Variants in GPT2 observed in about 807,000 individuals in gnomAD.
The protein encoded by GPT2 is alanine aminotransferase 2.
Under a neutral mutation model 56.9 loss-of-function variants are expected in GPT2, and 30 were observed. The observed-to-expected ratio is 0.53, with a 90% CI of 0.39 to 0.72. The LOEUF is 0.72. Among genes scored for constraint, GPT2 ranks in the 30% least tolerant of loss-of-function variants. The pLI is 0.00. For synonymous variants in GPT2, 271 were observed against 283.1 expected, an observed-to-expected ratio of 0.96 and a Z score of 0.43; for missense variants, 542 against 703.4, an observed-to-expected ratio of 0.77 and a Z score of 2.60.
intron 10 of GPT2, 56 bp from the exon 11 acceptor site, chr16:46,926,869 T>G: frequency 1.7e-6 from 2 of 1,190,126 alleles, no homozygotes; most frequent in Non-Finnish European, 2.3e-6. Flanking sequence ...GCTTTGAGGG[T>G]TGAATGGTGT....
intron 6 of GPT2, among the ~76,000 whole-genome samples, chr16:46,914,865 A>AT (rs1961111395): frequency 6.6e-6 from 1 of 152,094 alleles, no homozygotes; most frequent in African/African-American, 2.4e-5. Flanking sequence ...GTGTGCAGTA[A>AT]TGGGGGGGAG....
chr16:46,906,165 C>G (rs929646496), intron 4 of GPT2, among the ~76,000 whole-genome samples: 1 of 152,074 alleles, frequency 6.6e-6, no homozygotes, highest in African/African-American at 2.4e-5. Context: ...CCTCTACCTC[C>G]TGAGCTCAAG....
intron 2 of GPT2, among the ~76,000 whole-genome samples, chr16:46,889,859 T>A (rs1484632358): frequency 6.6e-6 from 1 of 152,242 alleles, no homozygotes; most frequent in Non-Finnish European, 1.5e-5. Context: ...AGGTCGCTTG[T>A]CTTTCCCACT....
chr16:46,909,322 T>C (rs1427922510), intron 5 of GPT2, among the ~76,000 whole-genome samples: 1 of 152,112 alleles, frequency 6.6e-6, no homozygotes, highest in Non-Finnish European at 1.5e-5. Context: ...TATTTTTAAA[T>C]TTTTAAGTAG....
intron 2 of GPT2, among the ~76,000 whole-genome samples, chr16:46,886,855 C>T (rs1960493446): frequency 6.6e-6 from 1 of 152,126 alleles, no homozygotes; most frequent in African/African-American, 2.4e-5. Context: ...AGCTCCACAC[C>T]CCCATATCCT....
At chr16:46,904,200 A>C (rs1164506040) in intron 4 of GPT2, among the ~76,000 whole-genome samples, 11 of 152,196 alleles carry the variant, frequency 7.2e-5, no homozygotes, top group Admixed American at 6.5e-4. Flanking sequence ...CCTGCCCTGG[A>C]GGAACCAAGA....
rs1960436055 is a variant in GPT2, at chr16:46,884,364, C to A, written c.-126C>A. 5.6e-6 allele frequency: 1 copy of A among 179,150 alleles called. No individual in the cohort carries two copies. Among genetic ancestry groups the A allele is most frequent in the African/African-American group, 2.4e-5 (1 of 42,358 alleles). The allele number at this position is 179,150 out of a possible 1,614,324, so 11.1% of individuals were successfully genotyped here. A position where few individuals can be genotyped will look rare whatever the true frequency, so the allele number is the denominator to read the frequency against. ...GTGTGCGAGCGCAGGGGCCGGGCGGCGCGGGCGCCGGGCGCGGGGATGCGG... is the reference window on the plus strand; with the variant it reads ...GTGTGCGAGCGCAGGGGCCGGGCGGAGCGGGCGCCGGGCGCGGGGATGCGG... On this transcript the variant is annotated 5_prime_UTR_variant, in exon 1 of 12. Coordinates refer to ENST00000340124, the MANE Select transcript of GPT2 (RefSeq NM_133443.4).
At chr16:46,903,776 T>C (rs1457230563) in intron 4 of GPT2, among the ~76,000 whole-genome samples, 1 of 152,168 alleles carries the variant, frequency 6.6e-6, no homozygotes, top group Non-Finnish European at 1.5e-5. Flanking sequence ...CCAAAGACAC[T>C]GGTGAGCAAG....
At chr16:46,918,857 A>G in intron 8 of GPT2, 100 bp downstream of exon 8, 3 of 1,416,728 alleles carry the variant, frequency 2.1e-6, no homozygotes, top group South Asian at 1.2e-5. Context: ...TTGGATGGAG[A>G]GAAGGCTGCC....
At chr16:46,901,924 C>G (rs1960826936) in intron 4 of GPT2, among the ~76,000 whole-genome samples, 1 of 152,238 alleles carries the variant, frequency 6.6e-6, no homozygotes, top group Admixed American at 6.5e-5. Context: ...AGCCCTGCAG[C>G]CCAGAGGCCC....
Position 46,910,032 on chromosome 16 carries a change from G to A in GPT2, c.820+105G>A, listed in dbSNP as rs373695741. On this transcript the variant is annotated intron_variant, in intron 6 of 11. Coordinates refer to ENST00000340124, the MANE Select transcript of GPT2 (RefSeq NM_133443.4). The stretch of plus-strand genomic sequence containing the variant: ...TAATTGGAGGGTCTCTCTGCCCCTA[G>A]TTTCCCTTCCAGATTTGCTAACCTA... 118 of 1,403,764 alleles carry A rather than the reference G, an allele frequency of 8.4e-5. 2 individuals are homozygous for A. The African/African-American group carries it at 1.6e-3, about 19-fold the overall frequency. 87.0% of individuals were successfully genotyped at this position (1,403,764 alleles called of 1,614,324 possible). A position where few individuals can be genotyped will look rare whatever the true frequency, so the allele number is the denominator to read the frequency against.
At chr16:46,890,518 G>A (rs1960566396) in intron 2 of GPT2, among the ~76,000 whole-genome samples, 1 of 152,174 alleles carries the variant, frequency 6.6e-6, no homozygotes, top group Non-Finnish European at 1.5e-5. Context: ...TGAATTGGAG[G>A]AAAGTTCTCT....
rs117912347 is a variant in GPT2, at chr16:46,904,555, G to A, written c.443-2287G>A. ...GGATCAGTGTGGTTTGGAGCATAAC[G>A]TGAGATCTGAAGAAAAAGAAACCCA... On this transcript the variant is annotated intron_variant, in intron 4 of 11. Coordinates refer to ENST00000340124, the MANE Select transcript of GPT2 (RefSeq NM_133443.4). 2.5e-3 allele frequency among the ~76,000 whole-genome samples: 383 copies of A among 152,296 alleles called. 2 individuals are homozygous for A. The highest frequency in any genetic ancestry group is 3.0e-3 in the Non-Finnish European group (207 of 68,020).
intron 7 of GPT2, among the ~76,000 whole-genome samples, chr16:46,918,097 G>T (rs974307484): frequency 2.6e-5 from 4 of 152,210 alleles, no homozygotes; most frequent in African/African-American, 9.6e-5. Flanking sequence ...CTCGGGACTG[G>T]AAAGAACCAA....
At chr16:46,888,429 C>T (rs1447180523) in intron 2 of GPT2, among the ~76,000 whole-genome samples, 2 of 152,186 alleles carry the variant, frequency 1.3e-5, no homozygotes, top group Non-Finnish European at 1.5e-5. Flanking sequence ...TCACTGCAAC[C>T]TCCGCCTCCC....
At chr16:46,926,303 G>C (rs777498688) in intron 10 of GPT2, among the ~76,000 whole-genome samples, 2 of 151,946 alleles carry the variant, frequency 1.3e-5, no homozygotes, top group Admixed American at 6.6e-5. Context: ...ACAAAAATTA[G>C]CCAGGTGTGG....
Position 46,927,544 on chromosome 16 carries a change from C to T in GPT2, c.1481+507C>T, listed in dbSNP as rs566157162. Among the ~76,000 whole-genome samples, 20 of 152,326 alleles carry T rather than the reference C, an allele frequency of 1.3e-4. No individual in the cohort carries two copies. In the East Asian group the frequency reaches 2.1e-3, roughly 16 times the overall value. ...TCTGGCCCTGCATGGATGGGAATGCCGGTGCCCAGAGCTGAGCTGGCTGGA... is the reference window on the plus strand; with the variant it reads ...TCTGGCCCTGCATGGATGGGAATGCTGGTGCCCAGAGCTGAGCTGGCTGGA... On this transcript the variant is annotated intron_variant, in intron 11 of 11. Coordinates refer to ENST00000340124, the MANE Select transcript of GPT2 (RefSeq NM_133443.4).
chr16:46,913,288 T>C (rs1288369961), intron 6 of GPT2, among the ~76,000 whole-genome samples: 1 of 152,248 alleles, frequency 6.6e-6, no homozygotes, highest in Non-Finnish European at 1.5e-5. Flanking sequence ...GTGTTTCCTT[T>C]AGCATTTAGT....
At chr16:46,928,009 G>A (rs540640854) in intron 11 of GPT2, among the ~76,000 whole-genome samples, 5 of 152,236 alleles carry the variant, frequency 3.3e-5, no homozygotes, top group South Asian at 4.2e-4. Context: ...AGGAAAGCCC[G>A]AGTCATACTC....
Sources: allele counts gnomAD v4.1 joint callset (sites outside exome capture counted in the v4.1 genomes callset), GRCh38; gene constraint gnomAD v4.1.1; transcripts MANE v1.5; gene names NCBI Gene and HGNC (gene_info 2026-07-23, HGNC 2026-07-21).